The following SUPT3H variants were observed in gnomAD, a reference collection of about 807,000 sequenced individuals.
SUPT3H encodes transcription initiation protein SPT3 homolog.
Under a neutral mutation model 44.3 loss-of-function variants are expected in SUPT3H, and 44 were observed. That is an observed-to-expected ratio of 0.99 (90% confidence interval 0.78 to 1.28). The LOEUF (loss-of-function observed/expected upper bound fraction) is 1.28. Ranked by LOEUF, SUPT3H falls within the 50% of genes most tolerant of loss-of-function variation. The probability of loss-of-function intolerance (pLI) is 0.00; values close to 1 mark genes in which losing one functional copy is unlikely to be tolerated. For synonymous variants in SUPT3H, 124 were observed against 125.6 expected (o/e 0.99, Z 0.09); for missense variants, 380 against 387.1 (o/e 0.98, Z 0.15).
In SUPT3H at chr6:44,932,681, T is replaced by C. The variant is rs201286293; in HGVS notation, c.884A>G (p.His295Arg). ...GAATGGGGAAAGTGGGCCAATCCTG[T>C]GGCTGTAGCGTCGAATGGCCTCTCT... Reference protein sequence around the residue: ...HIREAIRRYSHRIGPLSPFTN... With the variant: ...HIREAIRRYSRRIGPLSPFTN... Residue 295 changes from histidine to arginine, a missense_variant, in exon 10 of 11, where the codon CAC becomes CGC. His to Arg is a conservative substitution (Grantham distance 29, BLOSUM62 0). Coordinates refer to ENST00000371459, the MANE Select transcript of SUPT3H (RefSeq NM_003599.4). The C allele has an allele frequency of 5.0e-6, 8 of 1,611,828 alleles. No individual in the cohort carries two copies. Among genetic ancestry groups the C allele is most frequent in the East Asian group, 2.2e-5 (1 of 44,668 alleles).
intron 2 of SUPT3H, among the ~76,000 whole-genome samples, chr6:45,206,120 C>A (rs6458425): frequency 1.3e-5 from 2 of 151,942 alleles, no homozygotes; most frequent in Non-Finnish European, 2.9e-5. Flanking sequence ...AAGCACCTAC[C>A]ATGTGTGAGA....
chr6:44,926,383 A>G (rs1769525473), intron 10 of SUPT3H, among the ~76,000 whole-genome samples: 1 of 152,106 alleles, frequency 6.6e-6, no homozygotes, highest in Admixed American at 6.5e-5. Flanking sequence ...CGAATTAGAA[A>G]AAAATTAAGA....
At chr6:45,180,488 C>G (rs1337889907) in intron 2 of SUPT3H, among the ~76,000 whole-genome samples, 1 of 86,792 alleles carries the variant, frequency 1.2e-5, no homozygotes, top group Non-Finnish European at 2.1e-5. Context: ...CTACAGTAAC[C>G]AAAACAGCAT....
chr6:44,905,306 T>A (rs1045952310), intron 10 of SUPT3H, among the ~76,000 whole-genome samples: 62 of 151,828 alleles, frequency 4.1e-4, no homozygotes, highest in African/African-American at 1.4e-3. Flanking sequence ...TCTACAATGA[T>A]CTCCAACAAT....
chr6:44,813,983 A>G (rs1766729355), intron 11 of SUPT3H, among the ~76,000 whole-genome samples: 1 of 152,188 alleles, frequency 6.6e-6, no homozygotes, highest in Non-Finnish European at 1.5e-5. Flanking sequence ...AGATTCAAGT[A>G]GTTCTACAAA....
intron 2 of SUPT3H, among the ~76,000 whole-genome samples, chr6:45,177,907 C>A: frequency 6.6e-6 from 1 of 151,918 alleles, no homozygotes; most frequent in Non-Finnish European, 1.5e-5. Flanking sequence ...CCTAAAAGAG[C>A]TCCTGAAGGA....
chr6:44,992,981 T>G (rs1030189334), intron 6 of SUPT3H, among the ~76,000 whole-genome samples: 6 of 152,000 alleles, frequency 3.9e-5, no homozygotes, highest in Admixed American at 2.0e-4. Flanking sequence ...CTGGACAACA[T>G]AGTAAGACCC....
chr6:45,068,909 C>T (rs1371149474), intron 3 of SUPT3H, among the ~76,000 whole-genome samples: 6 of 151,342 alleles, frequency 4.0e-5, no homozygotes, highest in Admixed American at 2.0e-4. Flanking sequence ...CTACTTATCC[C>T]TTGATTATAA....
chr6:45,013,380 C>T (rs961641912), intron 5 of SUPT3H, among the ~76,000 whole-genome samples: 1 of 151,954 alleles, frequency 6.6e-6, no homozygotes, highest in Non-Finnish European at 1.5e-5. Flanking sequence ...ACACTCTGTT[C>T]CAAGCAGTGA....
Position 45,306,752 on chromosome 6 carries a change from C to T in SUPT3H, c.101+58449G>A, listed in dbSNP as rs575402196. 8.5e-5 allele frequency among the ~76,000 whole-genome samples: 13 copies of T among 152,236 alleles called. No individual in the cohort carries two copies. In the East Asian group the frequency reaches 1.2e-3, roughly 14 times the overall value. Reference sequence around the variant, plus strand: ...ATTTCTGCATTTCCAACTGAGGTACCGGGTTCATCTCACTGAGGCTTGTCA... The same window carrying T: ...ATTTCTGCATTTCCAACTGAGGTACTGGGTTCATCTCACTGAGGCTTGTCA... On this transcript the variant is annotated intron_variant, in intron 2 of 10. Transcript: ENST00000371459.
At chr6:45,256,290 C>A (rs1188200991) in intron 2 of SUPT3H, among the ~76,000 whole-genome samples, 2 of 152,166 alleles carry the variant, frequency 1.3e-5, no homozygotes, top group Non-Finnish European at 2.9e-5. Flanking sequence ...AAATTTATTT[C>A]TCACCATTCT....
chr6:44,830,656 G>T (rs575661590), intron 10 of SUPT3H, among the ~76,000 whole-genome samples: 1 of 152,242 alleles, frequency 6.6e-6, no homozygotes, highest in South Asian at 2.1e-4. Context: ...GAGGGGAGCA[G>T]AACTAAAATT....
At chr6:45,171,665 A>G (rs1364792333) in intron 2 of SUPT3H, among the ~76,000 whole-genome samples, 1 of 145,498 alleles carries the variant, frequency 6.9e-6, no homozygotes, top group African/African-American at 2.6e-5. Flanking sequence ...GCAGACGACT[A>G]TTTGAAATCA....
intron 10 of SUPT3H, among the ~76,000 whole-genome samples, chr6:44,904,170 G>C (rs1209916516): frequency 6.6e-6 from 1 of 152,194 alleles, no homozygotes; most frequent in Non-Finnish European, 1.5e-5. Context: ...AGTGTTGGAA[G>C]TTCTGGCCAG....
chr6:45,049,064 G>A (rs182065944), intron 3 of SUPT3H, among the ~76,000 whole-genome samples: 6 of 151,944 alleles, frequency 3.9e-5, no homozygotes, highest in Non-Finnish European at 5.9e-5. Flanking sequence ...AATATGTGAA[G>A]TAATACATAT....
At chr6:45,205,189 T>G (rs1370067180) in intron 2 of SUPT3H, among the ~76,000 whole-genome samples, 1 of 152,146 alleles carries the variant, frequency 6.6e-6, no homozygotes, top group Non-Finnish European at 1.5e-5. Context: ...TCAGATTGGT[T>G]TTTTAGTTTT....
intron 3 of SUPT3H, among the ~76,000 whole-genome samples, chr6:45,039,224 G>A (rs904808055): frequency 1.5e-4 from 23 of 152,030 alleles, no homozygotes; most frequent in Admixed American, 1.2e-3. Context: ...AGAAAAAGAC[G>A]CATTTAAGTC....
chr6:45,036,511 C>G (rs1216542375), intron 3 of SUPT3H, among the ~76,000 whole-genome samples: 1 of 151,926 alleles, frequency 6.6e-6, no homozygotes, highest in African/African-American at 2.4e-5. Context: ...ATACTAAAAA[C>G]AGGGATAAGA....
downstream of SUPT3H, among the ~76,000 whole-genome samples, chr6:44,825,257 AATT>A (rs1285132362): frequency 6.6e-6 from 1 of 152,092 alleles, no homozygotes; most frequent in African/African-American, 2.4e-5. Context: ...GAGCCTATAT[AATT>A]ATATTCTATT....
Sources: allele counts gnomAD v4.1 joint callset (sites outside exome capture counted in the v4.1 genomes callset), GRCh38; gene constraint gnomAD v4.1.1; transcripts MANE v1.5; gene names NCBI Gene and HGNC (gene_info 2026-07-23, HGNC 2026-07-21).